Variants in CHST11 observed in about 807,000 individuals in gnomAD.
CHST11 encodes carbohydrate sulfotransferase 11.
A neutral mutation model predicts 30.4 loss-of-function variants in CHST11; 9 were observed. The ratio of observed to expected loss-of-function variants is 0.30; its 90% CI spans 0.18 to 0.52. The LOEUF (loss-of-function observed/expected upper bound fraction) is 0.52. Among genes scored for constraint, CHST11 ranks in the 20% least tolerant of loss-of-function variants. CHST11 has a pLI of 0.97. For missense variants in CHST11, 348 were observed against 460.6 expected, an observed-to-expected ratio of 0.76 and a Z score of 2.24; for synonymous variants, 152 against 187.8, an observed-to-expected ratio of 0.81 and a Z score of 1.56.
In CHST11 at chr12:104,721,676, G is replaced by A. The variant is rs144472615; in HGVS notation, c.205-35273G>A. 2.8e-4 allele frequency among the ~76,000 whole-genome samples: 42 copies of A among 152,004 alleles called. No homozygotes were observed. In the East Asian group the frequency reaches 7.0e-3, roughly 25 times the overall value. On this transcript the variant is annotated intron_variant, in intron 2 of 2. Transcript: ENST00000303694. ...GGTATAAGGAGTTACGTGAACAAACGTTTTCAGAGCCACCTCAAAGAGAAC... is the reference window on the plus strand; with the variant it reads ...GGTATAAGGAGTTACGTGAACAAACATTTTCAGAGCCACCTCAAAGAGAAC...
intron 1 of CHST11, among the ~76,000 whole-genome samples, chr12:104,471,856 G>C (rs1245481853): frequency 6.6e-6 from 1 of 152,112 alleles, no homozygotes; most frequent in East Asian, 1.9e-4. Context: ...ATGCTTACTA[G>C]CCATACGTGA....
chr12:104,721,251 C>G (rs1197653421), intron 2 of CHST11, among the ~76,000 whole-genome samples: 1 of 152,174 alleles, frequency 6.6e-6, no homozygotes, highest in African/African-American at 2.4e-5. Flanking sequence ...GCCCTTAAGT[C>G]TCTGGTGGGG....
chr12:104,681,825 C>CTTTTTTTTTTTTTTTTTTTTTT (rs149441295), intron 2 of CHST11, among the ~76,000 whole-genome samples: 1 of 85,084 alleles, frequency 1.2e-5, no homozygotes, highest in Non-Finnish European at 2.1e-5. Flanking sequence ...GTCTGTTTTG[C>CTTTTTTTTTTTTTTTTTTTTTT]TTTTTTTTTT....
At chr12:104,704,179 G>A (rs1349765170) in intron 2 of CHST11, among the ~76,000 whole-genome samples, 4 of 152,160 alleles carry the variant, frequency 2.6e-5, no homozygotes, top group East Asian at 1.9e-4. Flanking sequence ...GTGACAGCCC[G>A]TCACTTCGAT....
At chr12:104,733,084 G>A (rs1440614389) in intron 2 of CHST11, among the ~76,000 whole-genome samples, 1 of 152,218 alleles carries the variant, frequency 6.6e-6, no homozygotes, top group African/African-American at 2.4e-5. Flanking sequence ...TGTGTGCAAG[G>A]TCACGCACTG....
chr12:104,602,167 C>G, intron 2 of CHST11, 176 bp downstream of exon 2: 1 of 604,490 alleles, frequency 1.7e-6, no homozygotes, highest in South Asian at 2.0e-5. Context: ...TCTGAAAAAT[C>G]TAGCAGGGGA....
chr12:104,636,579 G>A (rs926303548), intron 2 of CHST11, among the ~76,000 whole-genome samples: 23 of 152,130 alleles, frequency 1.5e-4, no homozygotes, highest in East Asian at 1.9e-4. Flanking sequence ...TTTTTGTGCC[G>A]TTTATTTATT....
chr12:104,679,152 T>A (rs770846158), intron 2 of CHST11, among the ~76,000 whole-genome samples: 12 of 152,128 alleles, frequency 7.9e-5, no homozygotes, highest in Non-Finnish European at 1.0e-4. Context: ...GAAACTGGAA[T>A]TTAGAGAGAT....
In CHST11 at chr12:104,457,977, G is replaced by T. The variant is rs569092718; in HGVS notation, c.118+448G>T. Among the ~76,000 whole-genome samples, 4 of 151,628 alleles carry T rather than the reference G, an allele frequency of 2.6e-5. No individual in the cohort carries two copies. The East Asian group carries it at 5.9e-4, about 22-fold the overall frequency. On this transcript the variant is annotated intron_variant, in intron 1 of 2. Coordinates refer to ENST00000303694, the MANE Select transcript of CHST11 (RefSeq NM_018413.6). Reference sequence around the variant, plus strand: ...AGTTACCCGGAGCCGGCTGCTCTGCGCCCGGGCGAGCCGCCTCTTCCTGGT... The same window carrying T: ...AGTTACCCGGAGCCGGCTGCTCTGCTCCCGGGCGAGCCGCCTCTTCCTGGT...
chr12:104,639,465 T>G (rs1036786528), intron 2 of CHST11, among the ~76,000 whole-genome samples: 1 of 152,150 alleles, frequency 6.6e-6, no homozygotes, highest in African/African-American at 2.4e-5. Flanking sequence ...ACTGTGATGA[T>G]GGATTTTCCT....
At chr12:104,754,129 A>G (rs1329550667) in intron 2 of CHST11, among the ~76,000 whole-genome samples, 1 of 152,194 alleles carries the variant, frequency 6.6e-6, no homozygotes, top group Non-Finnish European at 1.5e-5. Flanking sequence ...CCAAGCTGGG[A>G]AACTCCAGGC....
chr12:104,756,134 C>T (rs1465026025), intron 2 of CHST11, among the ~76,000 whole-genome samples: 1 of 152,116 alleles, frequency 6.6e-6, no homozygotes, highest in African/African-American at 2.4e-5. Context: ...TAATATTATT[C>T]CATTTATATA....
At chr12:104,506,074 GT>G (rs1201455799) in intron 1 of CHST11, among the ~76,000 whole-genome samples, 1 of 152,218 alleles carries the variant, frequency 6.6e-6, no homozygotes, top group Non-Finnish European at 1.5e-5. Context: ...AAACATGGTA[GT>G]TATTCTCCAC....
chr12:104,671,812 A>G (rs2039700397), intron 2 of CHST11, among the ~76,000 whole-genome samples: 1 of 152,074 alleles, frequency 6.6e-6, no homozygotes, highest in African/African-American at 2.4e-5. Context: ...TAATGTGAGA[A>G]GAGGCTTTCA....
At chr12:104,667,949 G>T (rs762645765) in intron 2 of CHST11, among the ~76,000 whole-genome samples, 4 of 152,150 alleles carry the variant, frequency 2.6e-5, no homozygotes, top group Non-Finnish European at 5.9e-5. Flanking sequence ...TGCCTAGTCA[G>T]GATTGAAACC....
At chr12:104,507,051 A>G (rs1282486403) in intron 1 of CHST11, among the ~76,000 whole-genome samples, 3 of 152,020 alleles carry the variant, frequency 2.0e-5, no homozygotes, top group Non-Finnish European at 2.9e-5. Context: ...CTGGGGAGAG[A>G]GCCCCTGCTG....
At chr12:104,713,213 C>A (rs2040101910) in intron 2 of CHST11, among the ~76,000 whole-genome samples, 1 of 152,158 alleles carries the variant, frequency 6.6e-6, no homozygotes, top group Non-Finnish European at 1.5e-5. Context: ...GATATTTCCA[C>A]CCCGGGCCCT....
chr12:104,487,968 A>T (rs2037699690), intron 1 of CHST11, among the ~76,000 whole-genome samples: 1 of 151,336 alleles, frequency 6.6e-6, no homozygotes, highest in African/African-American at 2.4e-5. Flanking sequence ...GAGTGCAGTG[A>T]CACAATCATA....
At position 104,600,333 on chromosome 12, in the gene CHST11, C is replaced by T. The variant is rs1368274964; in HGVS notation, c.119-1573C>T. On this transcript the variant is annotated intron_variant, in intron 1 of 2. Coordinates refer to ENST00000303694, the MANE Select transcript of CHST11 (RefSeq NM_018413.6). The surrounding 1 kb of genome is among the most constrained non-coding windows in gnomAD (Gnocchi z 4.1). ...GCTAACCCCCTGCAGCCAGCCCTCC[C>T]AGTCATTTGAGCTGCACCCTGCTTG... 6.6e-6 allele frequency among the ~76,000 whole-genome samples: 1 copy of T among 152,198 alleles called. No homozygotes were observed. Among genetic ancestry groups the T allele is most frequent in the Admixed American group, 6.5e-5 (1 of 15,286 alleles).
Sources: gnomAD v4.1 joint callset for allele counts (sites outside exome capture counted in the v4.1 genomes callset) on GRCh38, gnomAD v4.1.1 for gene constraint, Gnocchi (gnomAD v3.1) non-coding constraint, MANE v1.5 for transcripts, NCBI Gene and HGNC (gene_info 2026-07-23, HGNC 2026-07-21) for gene names.